Variants in FIG4 observed in about 807,000 individuals in gnomAD.
FIG4 encodes FIG4 phosphoinositide 5-phosphatase, also known as polyphosphoinositide phosphatase.
A neutral mutation model predicts 118.6 loss-of-function variants in FIG4; 112 were observed. That is an observed-to-expected ratio of 0.94 (90% CI 0.81 to 1.11). The LOEUF is 1.11. Ranked by LOEUF, FIG4 falls within the 50% of genes least tolerant of loss-of-function variation. The pLI is 0.00. For synonymous variants in FIG4, 369 were observed against 381.2 expected (o/e 0.97, Z 0.37); for missense variants, 969 against 1,111.7 (o/e 0.87, Z 1.83).
chr6:109,761,757 G>A (rs1224403057), intron 11 of FIG4, among the ~76,000 whole-genome samples: 7 of 152,114 alleles, frequency 4.6e-5, no homozygotes, highest in Non-Finnish European at 8.8e-5. Flanking sequence ...TTTCACAGCC[G>A]TTTTATGAAT....
chr6:109,776,863 C>T, intron 15 of FIG4, 59 bp from the exon 16 acceptor site: 1 of 1,364,434 alleles, frequency 7.3e-7, no homozygotes, highest in East Asian at 2.3e-5. Context: ...AGAAAATATT[C>T]TCTTGAGTTA....
At position 109,791,526 on chromosome 6, in the gene FIG4, TC is replaced by T; in HGVS notation, c.2334del (p.Val779Ter). 1 of 1,613,906 alleles carries T rather than the reference TC, an allele frequency of 6.2e-7. No individual in the cohort carries two copies. The highest frequency in any genetic ancestry group is 8.5e-7 in the Non-Finnish European group (1 of 1,180,002). ...EEGSVSQRST[P>X]VKMTDAGDSA... ...AGGGCTCTGTGTCTCAGCGCTCCAC[TC>T]CCGTGAAGATGACTGATGCAGGAGA... On this transcript the variant is annotated frameshift_variant, in exon 20 of 23. Coordinates refer to ENST00000230124, the MANE Select transcript of FIG4 (RefSeq NM_014845.6). LOFTEE classifies it high-confidence loss of function.
chr6:109,741,931 C>T (rs186835430), intron 8 of FIG4, among the ~76,000 whole-genome samples: 64 of 152,162 alleles, frequency 4.2e-4, no homozygotes, highest in Admixed American at 1.3e-3. Flanking sequence ...ATGCAACCAT[C>T]GTAGGCCTAA....
At chr6:109,819,953 A>T (rs1778960448) in intron 22 of FIG4, among the ~76,000 whole-genome samples, 1 of 152,226 alleles carries the variant, frequency 6.6e-6, no homozygotes, top group African/African-American at 2.4e-5. Flanking sequence ...AAGGAAAAAG[A>T]GCAAAAAGTC....
At chr6:109,755,772 T>G (rs887408529) in intron 10 of FIG4, among the ~76,000 whole-genome samples, 3 of 152,366 alleles carry the variant, frequency 2.0e-5, no homozygotes, top group Non-Finnish European at 4.4e-5. Flanking sequence ...TGCCTTTTTT[T>G]GTTTTCCATT....
chr6:109,724,803 T>TTGTG (rs60968865), intron 3 of FIG4, among the ~76,000 whole-genome samples: 4,423 of 146,716 alleles, frequency 0.03, 216 homozygotes, highest in African/African-American at 0.1. Flanking sequence ...TTATAATCCT[T>TTGTG]TGTGTGTGTG....
At chr6:109,807,077 C>T (rs1316577899) in intron 22 of FIG4, among the ~76,000 whole-genome samples, 1 of 152,132 alleles carries the variant, frequency 6.6e-6, no homozygotes, top group African/African-American at 2.4e-5. Flanking sequence ...CATATGTGTG[C>T]ATGTGTCTTT....
chr6:109,731,717 G>C (rs541476125), intron 4 of FIG4, among the ~76,000 whole-genome samples: 1 of 152,256 alleles, frequency 6.6e-6, no homozygotes, highest in East Asian at 1.9e-4. Flanking sequence ...TGTGCATTAT[G>C]TGCAAATACT....
intron 1 of FIG4, chr6:109,701,794 G>A (rs916459236): frequency 2.2e-6 from 1 of 459,934 alleles, no homozygotes; most frequent in African/African-American, 2.3e-5. Context: ...AATATAGGGT[G>A]TAGTTGACTA....
intron 3 of FIG4, among the ~76,000 whole-genome samples, chr6:109,719,366 G>A (rs1044090789): frequency 5.3e-5 from 8 of 151,710 alleles, no homozygotes; most frequent in African/African-American, 1.5e-4. Context: ...TTTGTTTTGT[G>A]TGTTTGTGTC....
chr6:109,758,040 G>A (rs1429413684), intron 10 of FIG4, among the ~76,000 whole-genome samples: 1 of 152,156 alleles, frequency 6.6e-6, no homozygotes, highest in Non-Finnish European at 1.5e-5. Context: ...ACTGCCCAAA[G>A]TAATTTATAG....
At chr6:109,816,278 C>T (rs1305493479) in intron 22 of FIG4, among the ~76,000 whole-genome samples, 1 of 152,208 alleles carries the variant, frequency 6.6e-6, no homozygotes, top group Non-Finnish European at 1.5e-5. Flanking sequence ...CATGATCCTA[C>T]TGATACCTTC....
intron 22 of FIG4, among the ~76,000 whole-genome samples, chr6:109,814,141 AC>A (rs1359306826): frequency 6.6e-6 from 1 of 152,062 alleles, no homozygotes; most frequent in Non-Finnish European, 1.5e-5. Context: ...CTGTGCCATT[AC>A]TGATGATGTT....
chr6:109,709,076 A>G (rs1325849662), intron 1 of FIG4, among the ~76,000 whole-genome samples: 1 of 152,144 alleles, frequency 6.6e-6, no homozygotes, highest in Non-Finnish European at 1.5e-5. Context: ...ATTGTCTTCC[A>G]GAGTTTTTGT....
intron 15 of FIG4, among the ~76,000 whole-genome samples, chr6:109,768,202 C>G (rs534164548): frequency 1.3e-5 from 2 of 152,188 alleles, no homozygotes; most frequent in Admixed American, 6.5e-5. Flanking sequence ...AGTAAGGCCC[C>G]TGGAAGGACA....
At chr6:109,751,803 C>T (rs1776708346) in intron 10 of FIG4, among the ~76,000 whole-genome samples, 1 of 146,652 alleles carries the variant, frequency 6.8e-6, no homozygotes. Context: ...ATTCTTCTCT[C>T]TTTTTTTCTT....
intron 22 of FIG4, among the ~76,000 whole-genome samples, chr6:109,812,661 T>C (rs2492977): frequency 0.58 from 88,494 of 151,986 alleles, 27,561 homozygotes; most frequent in East Asian, 0.83. Flanking sequence ...CTGATGAGAG[T>C]GTTTCTGTGG....
chr6:109,700,464 A>G (rs1774872764), intron 1 of FIG4, among the ~76,000 whole-genome samples: 1 of 152,256 alleles, frequency 6.6e-6, no homozygotes, highest in African/African-American at 2.4e-5. Context: ...AATTAAAGCA[A>G]TAAAATGAAA....
rs1331703765 is a variant in FIG4 at position 109,763,980 on chromosome 6, C to G, written c.1432C>G (p.Gln478Glu). 2 of 1,590,682 alleles carry G rather than the reference C, an allele frequency of 1.3e-6. No homozygotes were observed. Among genetic ancestry groups the G allele is most frequent in the Non-Finnish European group, 1.7e-6 (2 of 1,158,732 alleles). ...ATGTGTGATTCCCACTGGTCGCCTGCAGGTATACACAGTATTACAATTCGT... is the reference window on the plus strand; with the variant it reads ...ATGTGTGATTCCCACTGGTCGCCTGGAGGTATACACAGTATTACAATTCGT... ...GGCVIPTGRL[Q>E]TGILRTNCVD... The change falls in exon 13 of 23, where the codon CAG becomes GAG. Residue 478 changes from glutamine (Q) to glutamate (E), a missense_variant and splice_region_variant. By Grantham distance (29) the Gln-to-Glu change is conservative (BLOSUM62 2). Around this residue, in one of 3 missense-constraint regions of FIG4, gnomAD observed 246 missense variants for 354.3 expected, o/e 0.69. Transcript: ENST00000230124.
Sources: gnomAD v4.1 joint callset for allele counts (sites outside exome capture counted in the v4.1 genomes callset) on GRCh38, gnomAD v4.1.1 for gene constraint, gnomAD v4.1.1 regional missense constraint, MANE v1.5 for transcripts, NCBI Gene and HGNC (gene_info 2026-07-23, HGNC 2026-07-21) for gene names.